The following VWF variants were observed in gnomAD, a reference collection of about 807,000 sequenced individuals.
The protein encoded by VWF is Factor VIII related antigen.
Under a neutral mutation model 308.6 loss-of-function variants are expected in VWF, and 176 were observed. The ratio of observed to expected loss-of-function variants is 0.57; its 90% CI spans 0.50 to 0.65. The LOEUF is 0.65. Ranked by LOEUF, VWF falls within the 30% of genes least tolerant of loss-of-function variation. VWF has a pLI of 0.00. For missense variants in VWF, 3,146 were observed against 3,648.2 expected (o/e 0.86, Z 3.55); for synonymous variants, 1,385 against 1,443.4 (o/e 0.96, Z 0.92).
chr12:6,072,244 T>A, intron 9 of VWF, 87 bp downstream of exon 9: 1 of 1,274,318 alleles, frequency 7.8e-7, no homozygotes, highest in African/African-American at 1.5e-5. Context: ...CAGGTTCTTT[T>A]CCACCTGCCA....
chr12:5,987,504 T>G (rs553465801), intron 38 of VWF, among the ~76,000 whole-genome samples: 29 of 152,316 alleles, frequency 1.9e-4, no homozygotes, highest in Non-Finnish European at 4.1e-4. Flanking sequence ...CTGCTTCTCA[T>G]CAACAGACAC....
chr12:6,074,911 C>T (rs1944824035), intron 7 of VWF, among the ~76,000 whole-genome samples: 1 of 152,192 alleles, frequency 6.6e-6, no homozygotes, highest in African/African-American at 2.4e-5. Context: ...TTAATGAATG[C>T]TTTCTGCTCT....
intron 18 of VWF, among the ~76,000 whole-genome samples, chr12:6,040,420 T>C (rs1321485016): frequency 6.6e-6 from 1 of 152,154 alleles, no homozygotes; most frequent in African/African-American, 2.4e-5. Flanking sequence ...CATGGCAGGA[T>C]TCACCGTTTC....
At position 6,024,341 on chromosome 12, in the gene VWF, G is replaced by T. The variant is rs926704059; in HGVS notation, c.3223-554C>A. ...CAACCCTTCCTCATCCCCAAAACAC[G>T]CCTCTAAACACACTGGACTTTTTCA... On this transcript the variant is annotated intron_variant, in intron 24 of 51. Coordinates refer to ENST00000261405, the MANE Select transcript of VWF (RefSeq NM_000552.5). The surrounding 1 kb of genome is among the most constrained non-coding windows in gnomAD (Gnocchi z 4.0). Among the ~76,000 whole-genome samples the T allele has an allele frequency of 6.6e-6, 1 of 152,082 alleles. No individual in the cohort carries two copies. The highest frequency in any genetic ancestry group is 6.5e-5 in the Admixed American group (1 of 15,286).
chr12:5,953,696 G>A, intron 47 of VWF, 102 bp from the exon 48 acceptor site: 1 of 917,014 alleles, frequency 1.1e-6, no homozygotes, highest in Non-Finnish European at 1.8e-6. Context: ...TCATCCAGTA[G>A]TTTCACCTAG....
At chr12:5,960,040 T>G (rs1280925125) in intron 47 of VWF, among the ~76,000 whole-genome samples, 1 of 147,954 alleles carries the variant, frequency 6.8e-6, no homozygotes, top group Non-Finnish European at 1.5e-5. Flanking sequence ...GTTGGATCTT[T>G]GAAAGATTAA....
chr12:6,049,904 C>T (rs1258362864), intron 16 of VWF, among the ~76,000 whole-genome samples: 2 of 152,202 alleles, frequency 1.3e-5, no homozygotes, highest in East Asian at 3.9e-4. Flanking sequence ...ATGCAATCCT[C>T]TTTTTCTTCC....
At chr12:6,061,785 G>A (rs7312746) in intron 13 of VWF, among the ~76,000 whole-genome samples, 17,940 of 152,176 alleles carry the variant, frequency 0.12, 1,389 homozygotes, top group African/African-American at 0.23. Context: ...CTATGAAGAC[G>A]CTATTTGCCT....
chr12:6,008,194 A>G (rs1565827473), intron 34 of VWF, among the ~76,000 whole-genome samples: 3 of 146,000 alleles, frequency 2.1e-5, no homozygotes, highest in Admixed American at 1.4e-4. Flanking sequence ...AATTACCCTG[A>G]TACCAAAGTC....
In VWF at chr12:6,052,823, T is replaced by G. The variant is rs188559807; in HGVS notation, c.1946-40A>C. On this transcript the variant is annotated intron_variant, in intron 15 of 51. Coordinates refer to ENST00000261405, the MANE Select transcript of VWF (RefSeq NM_000552.5). ...AGAAGTAAGGCCTCAGCGGGAATGT[T>G]GGACAGCAAGGACTGTGGTTCTAGG... 7.5e-6 allele frequency: 12 copies of G among 1,597,740 alleles called. No homozygotes were observed. The African/African-American group carries it at 1.5e-4, about 20-fold the overall frequency.
chr12:5,971,702 GT>G lies in VWF; in HGVS notation c.7444del (p.Thr2482LeufsTer21). ...PCEDSCRSGF[T>X]YVLHEGECCG... The stretch of plus-strand genomic sequence containing the variant: ...GCACTCGCCTTCATGCAGAACGTAA[GT>G]GAAGCCCTGGAAAAGCAGAAAAAAC... On this transcript the variant is annotated frameshift_variant, in exon 44 of 52. Transcript: ENST00000261405. LOFTEE classifies it high-confidence loss of function. The G allele has an allele frequency of 2.5e-6, 4 of 1,614,160 alleles. No homozygotes were observed. Among genetic ancestry groups the G allele is most frequent in the Non-Finnish European group, 3.4e-6 (4 of 1,179,992 alleles).
intron 22 of VWF, among the ~76,000 whole-genome samples, chr12:6,027,532 G>T (rs553152939): frequency 6.6e-6 from 1 of 152,184 alleles, no homozygotes; most frequent in Non-Finnish European, 1.5e-5. Context: ...TGATCAGAGG[G>T]AGGCAGGAGG....
chr12:6,076,841 T>G (rs1046626991), intron 6 of VWF, among the ~76,000 whole-genome samples: 18 of 152,200 alleles, frequency 1.2e-4, no homozygotes, highest in Admixed American at 2.6e-4. Flanking sequence ...GCCTCCTGTT[T>G]TGCGGCGCCA....
At chr12:6,084,876 G>T (rs1413612515) in intron 6 of VWF, among the ~76,000 whole-genome samples, 1 of 152,138 alleles carries the variant, frequency 6.6e-6, no homozygotes, top group East Asian at 1.9e-4. Context: ...AATGATGGGT[G>T]GGGGAGGGTA....
chr12:6,122,579 G>A, intron 2 of VWF: 2 of 332,490 alleles, frequency 6.0e-6, no homozygotes, highest in South Asian at 4.6e-5. Context: ...GCTGGATGCT[G>A]CTGACCTGAG....
In VWF at chr12:6,062,946, G is replaced by A. The variant is rs1385242236; in HGVS notation, c.1533+8C>T. ...CGCAGGGAGCCAGTACCCCGTGAGGGCACCTACCTTCACCAGCAGCCTCCC... is the reference window on the plus strand; with the variant it reads ...CGCAGGGAGCCAGTACCCCGTGAGGACACCTACCTTCACCAGCAGCCTCCC... On this transcript the variant is annotated splice_region_variant and intron_variant, in intron 13 of 51. Transcript: ENST00000261405. 6.2e-7 allele frequency: 1 copy of A among 1,610,754 alleles called. No homozygotes were observed. Among genetic ancestry groups the A allele is most frequent in the African/African-American group, 1.3e-5 (1 of 74,892 alleles).
intron 5 of VWF, among the ~76,000 whole-genome samples, chr12:6,101,718 G>A (rs1006977931): frequency 6.6e-6 from 1 of 152,200 alleles, no homozygotes; most frequent in African/African-American, 2.4e-5. Flanking sequence ...GGAGGTTGCT[G>A]TGAGCCGAGA....
chr12:6,038,225 T>C (rs1944358894), intron 18 of VWF, among the ~76,000 whole-genome samples: 1 of 152,210 alleles, frequency 6.6e-6, no homozygotes, highest in African/African-American at 2.4e-5. Flanking sequence ...CCCCGTCCAG[T>C]GTCAGCTCTG....
chr12:6,038,051 C>A (rs535319053), intron 18 of VWF, among the ~76,000 whole-genome samples: 1 of 152,274 alleles, frequency 6.6e-6, no homozygotes, highest in African/African-American at 2.4e-5. Flanking sequence ...GTTGACCCCA[C>A]TCTTGGTAGC....
Sources: gnomAD v4.1 joint callset for allele counts (sites outside exome capture counted in the v4.1 genomes callset) on GRCh38, gnomAD v4.1.1 for gene constraint, Gnocchi (gnomAD v3.1) non-coding constraint, MANE v1.5 for transcripts, NCBI Gene and HGNC (gene_info 2026-07-23, HGNC 2026-07-21) for gene names.